Variants in ZDHHC11B observed in about 807,000 individuals in gnomAD.
ZDHHC11B encodes the protein probable palmitoyltransferase ZDHHC11B.
A neutral mutation model predicts 42.3 loss-of-function variants in ZDHHC11B; 17 were observed. The observed-to-expected ratio is 0.40, with a 90% CI of 0.27 to 0.60. ZDHHC11B has a LOEUF of 0.60. Among genes scored for constraint, ZDHHC11B ranks in the 20% least tolerant of loss-of-function variants. The pLI is 0.41. For missense variants in ZDHHC11B, 262 were observed against 463.2 expected (o/e 0.57, Z 3.99); for synonymous variants, 123 against 193.5 (o/e 0.64, Z 3.02).
At chr5:760,387 A>T (rs56123360) in intron 4 of ZDHHC11B, among the ~76,000 whole-genome samples, 1 of 151,258 alleles carries the variant, frequency 6.6e-6, no homozygotes, top group African/African-American at 2.4e-5. Flanking sequence ...AGACACACGC[A>T]GAGAAAAGAC....
chr5:730,840 GAC>G (rs1331441083), intron 11 of ZDHHC11B, among the ~76,000 whole-genome samples: 1 of 151,790 alleles, frequency 6.6e-6, no homozygotes, highest in Non-Finnish European at 1.5e-5. Flanking sequence ...CAAAGACACA[GAC>G]AGAGGGAAGA....
Position 770,256 on chromosome 5 carries a change from C to T in ZDHHC11B, c.-229-1326G>A, listed in dbSNP as rs1163216114. On this transcript the variant is annotated intron_variant, in intron 1 of 13. Transcript: ENST00000508859. ...ATGGGCAGGCCCTCCTGGGGCTGGG[C>T]GTGAGGCCCCTCAGACCCTTGGAGC... Among the ~76,000 whole-genome samples, 24 of 150,384 alleles carry T rather than the reference C, an allele frequency of 1.6e-4. 2 individuals carry two copies. The highest frequency in any genetic ancestry group is 5.6e-4 in the African/African-American group (23 of 41,244).
At chr5:720,254 A>G (rs559360776) in intron 12 of ZDHHC11B, among the ~76,000 whole-genome samples, 36 of 151,998 alleles carry the variant, frequency 2.4e-4, no homozygotes, top group African/African-American at 8.5e-4. Context: ...AGACAACGAG[A>G]GAATTTTGAA....
chr5:777,335 G>T (rs553069033), intron 1 of ZDHHC11B, among the ~76,000 whole-genome samples: 1 of 151,760 alleles, frequency 6.6e-6, no homozygotes, highest in Non-Finnish European at 1.5e-5. Flanking sequence ...TGTTACTTAC[G>T]CCTCTCAGAG....
chr5:766,745 T>G lies in ZDHHC11B; in HGVS notation c.175A>C (p.Ile59Leu), dbSNP rs1430482255. The G allele has an allele frequency of 6.2e-7, 1 of 1,612,044 alleles. No individual in the cohort carries two copies. The highest frequency in any genetic ancestry group is 1.3e-5 in the African/African-American group (1 of 74,854). The change falls in exon 4 of 14, where the codon ATC (isoleucine) becomes CTC (leucine). Residue 59 changes from isoleucine to leucine, a missense_variant. Ile to Leu is a conservative substitution (Grantham distance 5, BLOSUM62 2). This residue lies in a region of ZDHHC11B where 97 missense variants were observed against 98.1 expected (regional missense o/e 0.99). Transcript: ENST00000508859. ...GAGTGAGGCAGGAGGGGAATGAAGA[T>G]CCTGAAGGTGGCCAAGGAAAGGCCA... ...FVGLSLATFR[I>L]FIPLLPHSWK...
In ZDHHC11B at chr5:711,583, CA is replaced by C. The variant is rs1741377244; in HGVS notation, c.*706del. ...TTCCTAGCACTGTGCTCCCATTTCC[CA>C]GTACTGTGCTCCCATTTCCCAGTGC... is the stretch of plus-strand genomic sequence containing the variant. On this transcript the variant is annotated 3_prime_UTR_variant, in exon 14 of 14. Coordinates refer to ENST00000508859, the MANE Select transcript of ZDHHC11B (RefSeq NM_001351303.2). 1 of 153,264 alleles carries C rather than the reference CA, an allele frequency of 6.5e-6. No homozygotes were observed. 9.5% of individuals were successfully genotyped at this position (153,264 alleles called of 1,614,324 possible).
intron 10 of ZDHHC11B, among the ~76,000 whole-genome samples, chr5:738,027 A>G (rs1213243615): frequency 9.9e-6 from 1 of 101,296 alleles, no homozygotes; most frequent in Admixed American, 1.2e-4. Flanking sequence ...CACTGATGAT[A>G]TGGTTGTATA....
At chr5:754,421 G>T (rs1405919390) in intron 6 of ZDHHC11B, among the ~76,000 whole-genome samples, 40 of 121,448 alleles carry the variant, frequency 3.3e-4, no homozygotes, top group South Asian at 1.2e-3. Flanking sequence ...AACACCTCTC[G>T]CCTGTGAGCC....
intron 11 of ZDHHC11B, among the ~76,000 whole-genome samples, chr5:731,591 G>A (rs1440994126): frequency 2.6e-5 from 4 of 151,432 alleles, no homozygotes; most frequent in African/African-American, 9.8e-5. Flanking sequence ...GAGTTTTCAT[G>A]GTTCTTTAAA....
intron 9 of ZDHHC11B, among the ~76,000 whole-genome samples, chr5:742,773 T>C (rs1198704023): frequency 2.0e-5 from 3 of 149,448 alleles, no homozygotes; most frequent in African/African-American, 7.4e-5. Flanking sequence ...GTATCTCTCA[T>C]GTGTGCCTGT....
chr5:724,819 T>C (rs1429678376), intron 12 of ZDHHC11B, among the ~76,000 whole-genome samples: 1 of 148,482 alleles, frequency 6.7e-6, no homozygotes, highest in Non-Finnish European at 1.5e-5. Flanking sequence ...AAACAAAACC[T>C]GAACCCAGCA....
At chr5:718,447 G>T (rs1475248195) in intron 12 of ZDHHC11B, among the ~76,000 whole-genome samples, 1 of 151,742 alleles carries the variant, frequency 6.6e-6, no homozygotes, top group Non-Finnish European at 1.5e-5. Context: ...GCTGAGGTGG[G>T]TGGATCACGA....
intron 4 of ZDHHC11B, among the ~76,000 whole-genome samples, chr5:764,834 G>A (rs1462454262): frequency 2.0e-5 from 3 of 151,848 alleles, no homozygotes; most frequent in Admixed American, 2.0e-4. Context: ...GTCTAGTGGG[G>A]ACTTGGAGAA....
At chr5:771,490 T>G (rs1736036647) in intron 1 of ZDHHC11B, among the ~76,000 whole-genome samples, 1 of 127,268 alleles carries the variant, frequency 7.9e-6, no homozygotes. Flanking sequence ...GGGGGCAGGA[T>G]CCTGGTGGGG....
At chr5:736,186 A>G (rs1743492544) in intron 10 of ZDHHC11B, among the ~76,000 whole-genome samples, 1 of 149,780 alleles carries the variant, frequency 6.7e-6, no homozygotes, top group Non-Finnish European at 1.5e-5. Context: ...ACCAGACTCA[A>G]CAGACTTTAA....
At chr5:765,615 C>A (rs1370531097) in intron 4 of ZDHHC11B, among the ~76,000 whole-genome samples, 7 of 151,978 alleles carry the variant, frequency 4.6e-5, no homozygotes, top group Admixed American at 4.6e-4. Flanking sequence ...GGGTTCTCTT[C>A]CACATTGTGG....
intron 4 of ZDHHC11B, among the ~76,000 whole-genome samples, chr5:763,646 G>T (rs752307340): frequency 6.6e-5 from 10 of 151,774 alleles, no homozygotes; most frequent in Non-Finnish European, 7.4e-5. Context: ...CAGCCCCATG[G>T]CACGTGGGCT....
rs917502828 is a variant in ZDHHC11B, at chr5:770,612, A to G, written c.-229-1682T>C. ...GCTGCCTTCCTCTGGGAAGGTCCAC[A>G]GCAGTCGTGCGACAGCCGCTCCCTC... On this transcript the variant is annotated intron_variant, in intron 1 of 13. Transcript: ENST00000508859. Among the ~76,000 whole-genome samples, 18 of 152,008 alleles carry G rather than the reference A, an allele frequency of 1.2e-4. 1 individual carries two copies. Among genetic ancestry groups the G allele is most frequent in the Non-Finnish European group, 2.5e-4 (17 of 67,906 alleles).
At chr5:776,283 G>A (rs1416869208) in intron 1 of ZDHHC11B, among the ~76,000 whole-genome samples, 12 of 151,932 alleles carry the variant, frequency 7.9e-5, no homozygotes, top group East Asian at 3.9e-4. Context: ...AATGTCCCAC[G>A]GCCACAGGTC....
Sources: gnomAD v4.1 joint callset for allele counts (sites outside exome capture counted in the v4.1 genomes callset) on GRCh38, gnomAD v4.1.1 for gene constraint, gnomAD v4.1.1 regional missense constraint, MANE v1.5 for transcripts, NCBI Gene and HGNC (gene_info 2026-07-23, HGNC 2026-07-21) for gene names.